ELAVL1: variants seen among roughly 807,000 people sequenced by gnomAD.
ELAVL1 encodes the protein ELAV-like protein 1.
In ELAVL1, 1 loss-of-function variant was observed where a neutral mutation model predicts 28.4. The ratio of observed to expected loss-of-function variants is 0.04; its 90% confidence interval spans 0.01 to 0.17. ELAVL1 has a LOEUF of 0.17. Among genes scored for constraint, ELAVL1 ranks in the 10% least tolerant of loss-of-function variants. The pLI, the probability that ELAVL1 is intolerant of heterozygous loss-of-function variation, is 1.00. For missense variants in ELAVL1, 157 were observed against 447.2 expected (o/e 0.35, Z 5.85); for synonymous variants, 174 against 183.5 (o/e 0.95, Z 0.42).
At chr19:7,984,995 CT>C (rs1985562745) in intron 2 of ELAVL1, among the ~76,000 whole-genome samples, 1 of 152,228 alleles carries the variant, frequency 6.6e-6, no homozygotes, top group Admixed American at 6.5e-5. Context: ...ACTCGGCTCA[CT>C]GCAACCTCTG....
chr19:7,967,498 T>C, intron 5 of ELAVL1, 67 bp downstream of exon 5: 2 of 1,538,732 alleles, frequency 1.3e-6, no homozygotes, highest in Admixed American at 3.8e-5. Context: ...TTCTATTCTG[T>C]GGCTGTGCCG....
intron 1 of ELAVL1, among the ~76,000 whole-genome samples, chr19:8,003,518 C>T (rs1383288564): frequency 6.6e-6 from 1 of 151,670 alleles, no homozygotes; most frequent in African/African-American, 2.4e-5. Flanking sequence ...CGGTGAAACC[C>T]CGTCTCTACT....
At chr19:7,972,098 G>C (rs1433412699) in intron 4 of ELAVL1, among the ~76,000 whole-genome samples, 2 of 152,204 alleles carry the variant, frequency 1.3e-5, no homozygotes, top group East Asian at 3.9e-4. Flanking sequence ...AGTCTGTGTG[G>C]GAAGAATATG....
chr19:7,992,609 G>C (rs1985782741), intron 1 of ELAVL1, among the ~76,000 whole-genome samples: 1 of 152,130 alleles, frequency 6.6e-6, no homozygotes, highest in Admixed American at 6.5e-5. Context: ...ACAAATAGTG[G>C]AACACGGGAT....
intron 1 of ELAVL1, among the ~76,000 whole-genome samples, chr19:7,993,703 G>A (rs1328812485): frequency 7.9e-5 from 12 of 151,714 alleles, no homozygotes; most frequent in Admixed American, 7.9e-4. Flanking sequence ...CCCTGTGGAT[G>A]GCCACCCGCC....
intron 2 of ELAVL1, among the ~76,000 whole-genome samples, chr19:7,983,247 A>G (rs372642642): frequency 1.4e-4 from 22 of 152,344 alleles, no homozygotes; most frequent in African/African-American, 5.1e-4. Flanking sequence ...GAGAACCCAG[A>G]GCACCAAGAC....
At chr19:7,987,159 G>A (rs1244803117) in intron 2 of ELAVL1, among the ~76,000 whole-genome samples, 3 of 151,030 alleles carry the variant, frequency 2.0e-5, no homozygotes, top group South Asian at 2.1e-4. Flanking sequence ...GGGGGCAGGC[G>A]CCCAGGGGTG....
chr19:7,967,832 G>T, intron 4 of ELAVL1, 42 bp from the exon 5 acceptor site: 1 of 1,590,426 alleles, frequency 6.3e-7, no homozygotes, highest in South Asian at 1.1e-5. Context: ...GGGGAAAAAC[G>T]CTAGGACTTT....
chr19:7,967,554 T>C lies in ELAVL1; in HGVS notation c.656+11A>G, dbSNP rs1476525594. ...GTATGGCTTTCAGGAGCGCGCACCC[T>C]CCCGACCCACCTGAATCTCTGCGCC... On this transcript the variant is annotated intron_variant, in intron 5 of 5. Transcript: ENST00000407627. 2.5e-6 allele frequency: 4 copies of C among 1,612,852 alleles called. No homozygotes were observed. Among genetic ancestry groups the C allele is most frequent in the Non-Finnish European group, 3.4e-6 (4 of 1,179,712 alleles).
chr19:7,961,899 G>A lies in ELAVL1; in HGVS notation c.*1584C>T, dbSNP rs1046934860. The A allele has an allele frequency of 8.5e-5, 13 of 152,240 alleles. No individual in the cohort carries two copies. Among genetic ancestry groups the A allele is most frequent in the African/African-American group, 3.1e-4 (13 of 41,422 alleles). 9.4% of individuals were successfully genotyped at this position (152,240 alleles called of 1,614,324 possible). On this transcript the variant is annotated 3_prime_UTR_variant, in exon 6 of 6. Coordinates refer to ENST00000407627, the MANE Select transcript of ELAVL1 (RefSeq NM_001419.3). ...TAAATACAGCCATCATCTCATGAGA[G>A]CAATAACTAAAAAACAGCCTACGGT...
rs1271577262 is a variant in ELAVL1, at chr19:7,975,464, T to C, written c.277-1586A>G. On this transcript the variant is annotated intron_variant, in intron 3 of 5. Coordinates refer to ENST00000407627, the MANE Select transcript of ELAVL1 (RefSeq NM_001419.3). The stretch of plus-strand genomic sequence containing the variant: ...TTCCTCTTCTCTCTGGACACTGTCA[T>C]GTTCAGTCAGGCTAGAATCAGAACA... Among the ~76,000 whole-genome samples, 4 of 152,232 alleles carry C rather than the reference T, an allele frequency of 2.6e-5. No individual in the cohort carries two copies. The East Asian group carries it at 7.7e-4, about 29-fold the overall frequency.
intron 1 of ELAVL1, among the ~76,000 whole-genome samples, chr19:7,997,270 T>C (rs1391822822): frequency 6.6e-6 from 1 of 152,230 alleles, no homozygotes; most frequent in Non-Finnish European, 1.5e-5. Flanking sequence ...GCATTATTCA[T>C]AATCATCCAA....
intron 1 of ELAVL1, among the ~76,000 whole-genome samples, chr19:8,001,767 AG>A (rs1394425117): frequency 1.3e-5 from 2 of 152,100 alleles, no homozygotes; most frequent in Non-Finnish European, 2.9e-5. Context: ...ACCCAGCCAC[AG>A]ATGTCTGTTT....
intron 3 of ELAVL1, among the ~76,000 whole-genome samples, chr19:7,978,492 A>T (rs1486968627): frequency 6.6e-6 from 1 of 152,192 alleles, no homozygotes; most frequent in Non-Finnish European, 1.5e-5. Context: ...AGCTCCACGG[A>T]GCCTCCTGGC....
rs746289699 is a variant in ELAVL1 at position 7,967,644 on chromosome 19, C to T, written c.577G>A (p.Val193Met). ...TGGTACAGCTGCGAGAGGAGTGCCA[C>T]GTTTTTGTTCTGGTTGGGGTTGGCT... ...FAANPNQNKNVALLSQLYHSP... is the reference protein window; with the variant it reads ...FAANPNQNKNMALLSQLYHSP... The change falls in exon 5 of 6, where the codon GTG becomes ATG. Residue 193 changes from valine to methionine, a missense_variant. Val to Met is a conservative substitution (Grantham distance 21). Around this residue, in one of 4 missense-constraint regions of ELAVL1, gnomAD observed 107 missense variants for 310.4 expected, o/e 0.34. Coordinates refer to ENST00000407627, the MANE Select transcript of ELAVL1 (RefSeq NM_001419.3). 23 of 1,614,214 alleles carry T rather than the reference C, an allele frequency of 1.4e-5. No homozygotes were observed. The highest frequency in any genetic ancestry group is 6.6e-5 in the South Asian group (6 of 91,080).
chr19:8,002,420 C>A (rs2081071231), intron 1 of ELAVL1, among the ~76,000 whole-genome samples: 1 of 152,154 alleles, frequency 6.6e-6, no homozygotes, highest in Non-Finnish European at 1.5e-5. Context: ...CAGAGCCTAG[C>A]GGGGGCCCAG....
chr19:7,995,782 T>C (rs1806965678), intron 1 of ELAVL1, among the ~76,000 whole-genome samples: 1 of 137,580 alleles, frequency 7.3e-6, no homozygotes, highest in African/African-American at 2.7e-5. Flanking sequence ...GCCCACTTCG[T>C]TAAAAAAAAA....
intron 1 of ELAVL1, among the ~76,000 whole-genome samples, chr19:8,001,099 G>A (rs369518297): frequency 6.6e-6 from 1 of 152,164 alleles, no homozygotes; most frequent in Non-Finnish European, 1.5e-5. Context: ...CCTCCACTGG[G>A]GATGTCACCC....
intron 4 of ELAVL1, among the ~76,000 whole-genome samples, chr19:7,971,699 C>G (rs1163136221): frequency 1.3e-5 from 2 of 152,214 alleles, no homozygotes; most frequent in Non-Finnish European, 2.9e-5. Flanking sequence ...TGCCAGGGCG[C>G]GAGTCTGTGC....
Sources: gnomAD v4.1 joint callset for allele counts (sites outside exome capture counted in the v4.1 genomes callset) on GRCh38, gnomAD v4.1.1 for gene constraint, gnomAD v4.1.1 regional missense constraint, MANE v1.5 for transcripts, NCBI Gene and HGNC (gene_info 2026-07-23, HGNC 2026-07-21) for gene names.